Variants in SYN3 observed in about 807,000 individuals in gnomAD.
SYN3 encodes synapsin III.
SYN3 carries 35 observed loss-of-function variants against 65.8 expected under a neutral mutation model. The ratio of observed to expected loss-of-function variants is 0.53; its 90% CI spans 0.41 to 0.70. SYN3 has a LOEUF of 0.70. SYN3 is among the 30% of genes least tolerant of loss of function. The probability of loss-of-function intolerance (pLI) is 0.00; values close to 1 mark genes in which losing one functional copy is unlikely to be tolerated. For missense variants in SYN3, 680 were observed against 749.0 expected (o/e 0.91, Z 1.08); for synonymous variants, 270 against 292.9 (o/e 0.92, Z 0.80).
At chr22:32,810,997 C>T (rs2046901016) in intron 6 of SYN3, among the ~76,000 whole-genome samples, 2 of 152,094 alleles carry the variant, frequency 1.3e-5, no homozygotes, top group South Asian at 4.1e-4. Flanking sequence ...ATATTATGTA[C>T]CACGTGGTAA....
intron 3 of SYN3, among the ~76,000 whole-genome samples, chr22:32,940,004 T>A (rs554641692): frequency 6.6e-6 from 1 of 152,232 alleles, no homozygotes; most frequent in African/African-American, 2.4e-5. Flanking sequence ...TGTGTCTTTT[T>A]CAACACTTAG....
At chr22:32,559,707 T>C (rs1284873573) in intron 7 of SYN3, among the ~76,000 whole-genome samples, 1 of 151,816 alleles carries the variant, frequency 6.6e-6, no homozygotes, top group Non-Finnish European at 1.5e-5. Context: ...GGGTGGCGCC[T>C]GTAGTCCCAG....
intron 7 of SYN3, among the ~76,000 whole-genome samples, chr22:32,575,752 T>C (rs750497611): frequency 3.8e-4 from 58 of 152,142 alleles, no homozygotes; most frequent in Non-Finnish European, 6.9e-4. Context: ...CTAAAATGAC[T>C]CTGGGCACGG....
rs529821872 is a variant in SYN3, at chr22:32,837,421, C to T, written c.711+27494G>A. Among the ~76,000 whole-genome samples the T allele has an allele frequency of 6.6e-6, 1 of 152,246 alleles. No homozygotes were observed. The highest frequency in any genetic ancestry group is 2.4e-5 in the African/African-American group (1 of 41,532). On this transcript the variant is annotated intron_variant, in intron 6 of 13. Transcript: ENST00000358763. The surrounding 1 kb of genome is among the most constrained non-coding windows in gnomAD (Gnocchi z 4.1). ...TGGGCTTGAGCTTTTGAGAGGTCAGCATGCCCCCTTAAACTTGATGTCTCC... is the reference window on the plus strand; with the variant it reads ...TGGGCTTGAGCTTTTGAGAGGTCAGTATGCCCCCTTAAACTTGATGTCTCC...
chr22:33,008,452 T>A (rs1351182229), intron 1 of SYN3, among the ~76,000 whole-genome samples: 2 of 152,218 alleles, frequency 1.3e-5, no homozygotes, highest in East Asian at 1.9e-4. Context: ...TACCTGTTCT[T>A]GAACTTCATA....
At chr22:32,834,788 A>C (rs2047681830) in intron 6 of SYN3, among the ~76,000 whole-genome samples, 1 of 152,208 alleles carries the variant, frequency 6.6e-6, no homozygotes, top group South Asian at 2.1e-4. Context: ...GGTACAGGGT[A>C]CCATCCTGGC....
At chr22:32,572,340 CCTTCCTTCCTTCCCTTA>C (rs1315490503) in intron 7 of SYN3, among the ~76,000 whole-genome samples, 230 of 102,792 alleles carry the variant, frequency 2.2e-3, no homozygotes, top group African/African-American at 9.2e-3. Context: ...TCCCTCCCTT[CCTTCCTTCCTTCCCTTA>C]CTTCCCTTCC....
At chr22:32,954,897 T>C (rs901182176) in intron 3 of SYN3, among the ~76,000 whole-genome samples, 8 of 151,650 alleles carry the variant, frequency 5.3e-5, no homozygotes, top group Non-Finnish European at 7.4e-5. Context: ...GAGAGGAACA[T>C]CTTGTTCATC....
At chr22:32,709,947 T>C (rs915453209) in intron 6 of SYN3, among the ~76,000 whole-genome samples, 1 of 151,986 alleles carries the variant, frequency 6.6e-6, no homozygotes, top group Non-Finnish European at 1.5e-5. Context: ...ACTTCCATTA[T>C]TTTACTTTTA....
At chr22:32,553,817 G>A (rs2858341) in intron 7 of SYN3, among the ~76,000 whole-genome samples, 2,790 of 152,272 alleles carry the variant, frequency 0.018, 65 homozygotes, top group African/African-American at 0.063. Flanking sequence ...CCCAGCCTTT[G>A]GGGTTGGCCC....
chr22:32,524,354 C>T lies in SYN3; in HGVS notation c.1318+3564G>A, dbSNP rs538482349. Among the ~76,000 whole-genome samples, 85 of 152,298 alleles carry T rather than the reference C, an allele frequency of 5.6e-4. 1 individual carries two copies. In the South Asian group the frequency reaches 0.013, roughly 23 times the overall value. On this transcript the variant is annotated intron_variant, in intron 12 of 13. Coordinates refer to ENST00000358763, the MANE Select transcript of SYN3 (RefSeq NM_003490.4). ...GGATAGGCTGACTCTCTTGTTGGGG[C>T]TAGTGCAGCCGGTGACTTAGAGTTG... is the stretch of plus-strand genomic sequence containing the variant.
chr22:32,695,940 C>A (rs1346720573), intron 6 of SYN3, among the ~76,000 whole-genome samples: 1 of 151,782 alleles, frequency 6.6e-6, no homozygotes, highest in Non-Finnish European at 1.5e-5. Flanking sequence ...TTTTTGTCTT[C>A]CTCTGATGAA....
At chr22:32,918,207 G>A (rs1466966328) in intron 4 of SYN3, among the ~76,000 whole-genome samples, 2 of 152,246 alleles carry the variant, frequency 1.3e-5, no homozygotes, top group Non-Finnish European at 2.9e-5. Flanking sequence ...ATTGTGCCAG[G>A]TGCTGGGGCC....
chr22:32,579,646 T>C (rs1300395879), intron 7 of SYN3, among the ~76,000 whole-genome samples: 1 of 152,140 alleles, frequency 6.6e-6, no homozygotes, highest in Non-Finnish European at 1.5e-5. Context: ...TCAAAAGCCT[T>C]TGCCCCTCCT....
chr22:32,662,133 G>A (rs1395529598), intron 6 of SYN3, among the ~76,000 whole-genome samples: 1 of 152,132 alleles, frequency 6.6e-6, no homozygotes, highest in Non-Finnish European at 1.5e-5. Flanking sequence ...CATCTCTGTA[G>A]CATGTGAATT....
At chr22:33,008,369 G>A (rs1003536534) in intron 1 of SYN3, among the ~76,000 whole-genome samples, 1 of 152,046 alleles carries the variant, frequency 6.6e-6, no homozygotes, top group Admixed American at 6.5e-5. Context: ...AAGTTCTTTT[G>A]TACCCCTTCT....
At position 32,554,959 on chromosome 22, in the gene SYN3, A is replaced by G. The variant is rs74381033; in HGVS notation, c.775-13246T>C. ...GGATTGCTGTTGAGCATTCAATGAG[A>G]TACTACATGTAAATGCACTAAAAGA... On this transcript the variant is annotated intron_variant, in intron 7 of 13. Coordinates refer to ENST00000358763, the MANE Select transcript of SYN3 (RefSeq NM_003490.4). Among the ~76,000 whole-genome samples the G allele has an allele frequency of 3.4e-3, 516 of 152,360 alleles. 3 individuals are homozygous for G. Among genetic ancestry groups the G allele is most frequent in the African/African-American group, 0.012 (482 of 41,582 alleles).
At chr22:32,527,821 T>C (rs1320095693) in intron 12 of SYN3, 97 bp downstream of exon 12, 2 of 1,073,502 alleles carry the variant, frequency 1.9e-6, no homozygotes, top group African/African-American at 3.2e-5. Context: ...CAGGTGCATT[T>C]TCCCAGAGCC....
intron 4 of SYN3, among the ~76,000 whole-genome samples, chr22:32,872,627 G>A (rs1264208487): frequency 3.3e-5 from 5 of 152,222 alleles, no homozygotes; most frequent in Non-Finnish European, 5.9e-5. Context: ...AAGGCATAGA[G>A]TCCTTCTTGA....
Sources: gnomAD v4.1 joint callset for allele counts (sites outside exome capture counted in the v4.1 genomes callset) on GRCh38, gnomAD v4.1.1 for gene constraint, Gnocchi (gnomAD v3.1) non-coding constraint, MANE v1.5 for transcripts, NCBI Gene and HGNC (gene_info 2026-07-23, HGNC 2026-07-21) for gene names.